The following TGM2 variants were observed in gnomAD, a reference collection of about 807,000 sequenced individuals.
The protein encoded by TGM2 is protein-glutamine gamma-glutamyltransferase 2.
TGM2 carries 53 observed loss-of-function variants against 75.6 expected under a neutral mutation model. The ratio of observed to expected loss-of-function variants is 0.70; its 90% CI spans 0.56 to 0.88. The LOEUF (loss-of-function observed/expected upper bound fraction) is 0.88. Ranked by LOEUF, TGM2 falls within the 40% of genes least tolerant of loss-of-function variation. The pLI, the probability that TGM2 is intolerant of heterozygous loss-of-function variation, is 0.00. For missense variants in TGM2, 842 were observed against 928.5 expected (o/e 0.91, Z 1.21); for synonymous variants, 374 against 381.1 (o/e 0.98, Z 0.22).
rs541717032 is a variant in TGM2, at chr20:38,139,608, G to C, written c.1146C>G (p.Gly382=). The C allele has an allele frequency of 6.2e-7, 1 of 1,614,150 alleles. No individual in the cohort carries two copies. ...GCGCATCGTACTTGGTGCTCAGGTC[G>C]CCCTCCTTGATGGCACGAACTGGAA... is the stretch of plus-strand genomic sequence containing the variant. The part of the protein sequence containing the change: ...GPVPVRAIKE[G]DLSTKYDAPF... The change falls in exon 9 of 13, where the codon GGC becomes GGG. Residue 382 remains glycine, a synonymous_variant. Transcript: ENST00000361475.
intron 2 of TGM2, among the ~76,000 whole-genome samples, chr20:38,160,006 G>A (rs958454859): frequency 5.9e-5 from 9 of 152,188 alleles, no homozygotes; most frequent in Non-Finnish European, 1.0e-4. Context: ...GGGGCTCCTT[G>A]GCTCTGTTAG....
intron 4 of TGM2, among the ~76,000 whole-genome samples, chr20:38,149,403 C>A (rs768976247): frequency 6.1e-4 from 93 of 152,114 alleles, no homozygotes; most frequent in Admixed American, 2.8e-3. Context: ...GTGGGCCGGG[C>A]GCGGTGGCTC....
intron 4 of TGM2, among the ~76,000 whole-genome samples, chr20:38,149,702 CAG>C (rs1159113706): frequency 9.6e-6 from 1 of 104,006 alleles, no homozygotes; most frequent in Admixed American, 9.3e-5. Flanking sequence ...AAAAAAAAAA[CAG>C]GACCCTGGGA....
chr20:38,132,955 C>G, intron 10 of TGM2: 2 of 432,242 alleles, frequency 4.6e-6, no homozygotes, highest in Middle Eastern at 7.5e-4. Flanking sequence ...GCTTGCTGCA[C>G]CAGGCACTGC....
chr20:38,158,577 C>G (rs746321364), intron 2 of TGM2, among the ~76,000 whole-genome samples: 2 of 152,184 alleles, frequency 1.3e-5, no homozygotes, highest in Non-Finnish European at 2.9e-5. Context: ...ACTGCCACAC[C>G]CCCTCAAACC....
intron 10 of TGM2, among the ~76,000 whole-genome samples, chr20:38,135,900 G>A (rs2074894636): frequency 6.6e-6 from 1 of 152,154 alleles, no homozygotes; most frequent in Admixed American, 6.5e-5. Context: ...AGTCCTCACG[G>A]CTGCGGGCGC....
chr20:38,144,890 G>A (rs2268908), intron 6 of TGM2, among the ~76,000 whole-genome samples: 17,175 of 152,166 alleles, frequency 0.11, 1,152 homozygotes, highest in East Asian at 0.28. Context: ...GCCCTGCAGT[G>A]GGCAGCTGAG....
chr20:38,159,020 A>G (rs2075221739), intron 2 of TGM2, among the ~76,000 whole-genome samples: 2 of 152,194 alleles, frequency 1.3e-5, no homozygotes, highest in Non-Finnish European at 2.9e-5. Flanking sequence ...GGGCTGCGGA[A>G]GTGACCGGGG....
intron 10 of TGM2, among the ~76,000 whole-genome samples, chr20:38,137,349 G>A (rs1400067709): frequency 6.6e-6 from 1 of 152,200 alleles, no homozygotes; most frequent in Non-Finnish European, 1.5e-5. Context: ...GCTGGGCATG[G>A]TGGTGCACGC....
intron 3 of TGM2, among the ~76,000 whole-genome samples, chr20:38,154,493 C>T (rs1421367931): frequency 4.6e-5 from 7 of 152,190 alleles, no homozygotes; most frequent in Admixed American, 4.6e-4. Context: ...CAACCCCTGC[C>T]TCCTCCCCCT....
chr20:38,148,036 CT>C lies in TGM2; in HGVS notation c.605del (p.Lys202SerfsTer3). The C allele has an allele frequency of 6.2e-7, 1 of 1,614,074 alleles. No individual in the cohort carries two copies. Among genetic ancestry groups the C allele is most frequent in the Non-Finnish European group, 8.5e-7 (1 of 1,180,036 alleles). ...AGTCACGGCCGGCGTTCTTCAGGAA[CT>C]TGGGGTTGACATCTAGAAGGATCAG... is the stretch of plus-strand genomic sequence containing the variant. ...ICLILLDVNP[K>X]FLKNAGRDCS... On this transcript the variant is annotated frameshift_variant, in exon 5 of 13. Transcript: ENST00000361475. LOFTEE classifies it high-confidence loss of function.
Position 38,156,053 on chromosome 20 carries a change from C to T in TGM2, c.227G>A (p.Arg76His), listed in dbSNP as rs41274720. The change falls in exon 3 of 13, where the codon CGT becomes CAT. Residue 76 changes from arginine to histidine, a missense_variant. Coordinates refer to ENST00000361475, the MANE Select transcript of TGM2 (RefSeq NM_004613.4). ...CTCCACAGCATCTCTTAGTGGAAAA[C>T]GGGCCTTGGTCCCGGCCTCCTGGCT... is the stretch of plus-strand genomic sequence containing the variant. ...APSQEAGTKA[R>H]FPLRDAVEEG... is the part of the protein sequence containing the mutation. The T allele has an allele frequency of 2.3e-3, 3,677 of 1,613,716 alleles. 47 individuals carry two copies. The East Asian group carries it at 0.034, about 15-fold the overall frequency.
At chr20:38,153,764 A>G (rs1310683107) in intron 3 of TGM2, among the ~76,000 whole-genome samples, 2 of 152,134 alleles carry the variant, frequency 1.3e-5, no homozygotes, top group Non-Finnish European at 2.9e-5. Flanking sequence ...GTGTCCCCCA[A>G]GGAGGAGGGG....
At chr20:38,132,723 C>T (rs780181559) in intron 10 of TGM2, 8 of 669,674 alleles carry the variant, frequency 1.2e-5, no homozygotes, top group East Asian at 6.1e-5. Context: ...TGGACTCCCA[C>T]GGGCCTTGGT....
chr20:38,137,477 C>G (rs1041685405), intron 10 of TGM2, among the ~76,000 whole-genome samples: 1 of 152,104 alleles, frequency 6.6e-6, no homozygotes, highest in Admixed American at 6.5e-5. Flanking sequence ...AACAAGCAAA[C>G]AAACAAACAA....
chr20:38,142,275 G>T, intron 6 of TGM2, 76 bp from the exon 7 acceptor site: 2 of 1,600,520 alleles, frequency 1.2e-6, no homozygotes, highest in Non-Finnish European at 1.7e-6. Flanking sequence ...CTGCCCATCT[G>T]CATTCCAGGG....
rs762650405 is a variant in TGM2 at position 38,132,475 on chromosome 20, G to A, written c.1641C>T (p.Leu547=). The A allele has an allele frequency of 8.7e-6, 14 of 1,614,180 alleles. No individual in the cohort carries two copies. The highest frequency in any genetic ancestry group is 1.7e-5 in the Admixed American group (1 of 60,026). The change falls in exon 11 of 13, where the codon CTC becomes CTT. Residue 547 remains leucine, a synonymous_variant. Coordinates refer to ENST00000361475, the MANE Select transcript of TGM2 (RefSeq NM_004613.4). ...TAAGGCAGTCACGGTATTTCTCATA[G>A]AGGATGCAAAGAGGAACGCTCTTCT... ...FSEKSVPLCI[L]YEKYRDCLTE...
intron 3 of TGM2, among the ~76,000 whole-genome samples, chr20:38,154,329 C>A (rs1229485195): frequency 6.6e-6 from 1 of 152,196 alleles, no homozygotes; most frequent in Non-Finnish European, 1.5e-5. Context: ...AGAATTTCTG[C>A]CCTTTTGAAG....
Position 38,127,463 on chromosome 20 carries a change from C to T in TGM2, c.*2756G>A. The T allele has an allele frequency of 1.4e-6, 1 of 692,724 alleles. No homozygotes were observed. Among genetic ancestry groups the T allele is most frequent in the Non-Finnish European group, 1.8e-6 (1 of 562,616 alleles). 42.9% of individuals were successfully genotyped at this position (692,724 alleles called of 1,614,324 possible). A position where few individuals can be genotyped will look rare whatever the true frequency, so the allele number is the denominator to read the frequency against. On this transcript the variant is annotated 3_prime_UTR_variant, in exon 13 of 13. Coordinates refer to ENST00000361475, the MANE Select transcript of TGM2 (RefSeq NM_004613.4). Reference sequence around the variant, plus strand: ...CTACATGACTTCCCAAGGGTGGGGACTGTCCCCATCATCTATTCATTCAAC... The same window carrying T: ...CTACATGACTTCCCAAGGGTGGGGATTGTCCCCATCATCTATTCATTCAAC...
Sources: allele counts gnomAD v4.1 joint callset (sites outside exome capture counted in the v4.1 genomes callset), GRCh38; gene constraint gnomAD v4.1.1; transcripts MANE v1.5; gene names NCBI Gene and HGNC (gene_info 2026-07-23, HGNC 2026-07-21).